The following RALGAPA2 variants were observed in gnomAD, a reference collection of about 807,000 sequenced individuals.
RALGAPA2 encodes the protein ral GTPase-activating protein subunit alpha-2.
RALGAPA2 carries 139 observed loss-of-function variants against 230.4 expected under a neutral mutation model. The ratio of observed to expected loss-of-function variants is 0.60; its 90% CI spans 0.53 to 0.69. RALGAPA2 has a LOEUF of 0.69. Among genes scored for constraint, RALGAPA2 ranks in the 30% least tolerant of loss-of-function variants. RALGAPA2 has a pLI of 0.00. For missense variants in RALGAPA2, 2,163 were observed against 2,276.0 expected (o/e 0.95, Z 1.01); for synonymous variants, 847 against 837.8 (o/e 1.01, Z -0.19).
intron 3 of RALGAPA2, among the ~76,000 whole-genome samples, chr20:20,674,188 A>AAAC (rs142800169): frequency 6.8e-6 from 1 of 146,282 alleles, no homozygotes; most frequent in African/African-American, 2.5e-5. Context: ...ACCCTGACTC[A>AAAC]AATAATAATA....
intron 16 of RALGAPA2, among the ~76,000 whole-genome samples, chr20:20,600,795 C>G (rs1305739971): frequency 6.6e-6 from 1 of 152,172 alleles, no homozygotes; most frequent in African/African-American, 2.4e-5. Flanking sequence ...AAAGAGTTCA[C>G]TTTTTGTTTT....
At chr20:20,632,406 AAG>A (rs1382235836) in intron 9 of RALGAPA2, among the ~76,000 whole-genome samples, 1 of 152,172 alleles carries the variant, frequency 6.6e-6, no homozygotes, top group African/African-American at 2.4e-5. Context: ...CACAACTGTG[AAG>A]AGTCAAGTAA....
At chr20:20,662,073 G>A (rs1191224418) in intron 3 of RALGAPA2, among the ~76,000 whole-genome samples, 2 of 152,044 alleles carry the variant, frequency 1.3e-5, no homozygotes, top group African/African-American at 4.8e-5. Context: ...AGTATAATAC[G>A]GAAGACTTGA....
chr20:20,705,539 T>C (rs947089568), intron 1 of RALGAPA2, among the ~76,000 whole-genome samples: 1 of 152,218 alleles, frequency 6.6e-6, no homozygotes, highest in Non-Finnish European at 1.5e-5. Context: ...AATAGTTGTT[T>C]AATACCTTAT....
chr20:20,522,561 A>G (rs999020300), intron 30 of RALGAPA2, among the ~76,000 whole-genome samples: 2 of 152,196 alleles, frequency 1.3e-5, no homozygotes, highest in Admixed American at 6.5e-5. Context: ...GTATGGGACC[A>G]GTGGCTATGG....
chr20:20,712,595 C>CCCGCTGCTGCCG lies in RALGAPA2; in HGVS notation c.-127_-116dup. 2 of 1,187,916 alleles carry CCCGCTGCTGCCG rather than the reference C, an allele frequency of 1.7e-6. No individual in the cohort carries two copies. Among genetic ancestry groups the CCCGCTGCTGCCG allele is most frequent in the Non-Finnish European group, 2.1e-6 (2 of 946,978 alleles). The allele number at this position is 1,187,916 out of a possible 1,614,324, so 73.6% of individuals were successfully genotyped here. A position where few individuals can be genotyped will look rare whatever the true frequency, so the allele number is the denominator to read the frequency against. ...GCGCGGGCCACTCGCCGCCCCCAGC[C>CCCGCTGCTGCCG]CCGCTGCTGCCGCCGCCGCCGCCGC... On this transcript the variant is annotated 5_prime_UTR_variant, in exon 1 of 40. Coordinates refer to ENST00000202677, the MANE Select transcript of RALGAPA2 (RefSeq NM_020343.4). The surrounding 1 kb of genome is among the most constrained non-coding windows in gnomAD (Gnocchi z 5.5).
chr20:20,613,227 A>C (rs1255749348), intron 13 of RALGAPA2, among the ~76,000 whole-genome samples: 1 of 152,134 alleles, frequency 6.6e-6, no homozygotes, highest in East Asian at 1.9e-4. Context: ...CACCAAGGAG[A>C]ACTGCTCAAA....
intron 13 of RALGAPA2, among the ~76,000 whole-genome samples, chr20:20,613,628 G>A (rs1040191425): frequency 6.6e-6 from 1 of 151,926 alleles, no homozygotes; most frequent in Admixed American, 6.6e-5. Context: ...CCCCTCTCAC[G>A]CTCCCTCTCA....
At position 20,405,123 on chromosome 20, in the gene RALGAPA2, A is replaced by G. The variant is rs186614039; in HGVS notation, c.5617+6904T>C. Among the ~76,000 whole-genome samples the G allele has an allele frequency of 2.0e-5, 3 of 152,326 alleles. No individual in the cohort carries two copies. In the East Asian group the frequency reaches 5.8e-4, roughly 29 times the overall value. On this transcript the variant is annotated intron_variant, in intron 38 of 39. Coordinates refer to ENST00000202677, the MANE Select transcript of RALGAPA2 (RefSeq NM_020343.4). ...ACCAACTGGCAGGATGCTTAGTAGA[A>G]TATCTAATACAAACGAGGCAAGTTT...
At position 20,583,236 on chromosome 20, in the gene RALGAPA2, T is replaced by A. The variant is rs367759450; in HGVS notation, c.2531-10A>T. The stretch of plus-strand genomic sequence containing the variant: ...CTGTTGGTACTTTCACCTGGTACAA[T>A]GGAAGAACCAAAGTTTAAGATAAAA... On this transcript the variant is annotated splice_polypyrimidine_tract_variant and intron_variant, in intron 19 of 39. Transcript: ENST00000202677. 164 of 1,581,098 alleles carry A rather than the reference T, an allele frequency of 1.0e-4. No individual in the cohort carries two copies. Among genetic ancestry groups the A allele is most frequent in the Non-Finnish European group, 1.4e-4 (158 of 1,164,704 alleles).
intron 35 of RALGAPA2, among the ~76,000 whole-genome samples, chr20:20,497,139 A>G (rs1818651550): frequency 6.6e-6 from 1 of 152,220 alleles, no homozygotes; most frequent in African/African-American, 2.4e-5. Flanking sequence ...TTTAAACAAA[A>G]TACAACCCTG....
intron 36 of RALGAPA2, among the ~76,000 whole-genome samples, chr20:20,494,366 C>T (rs2062145432): frequency 6.6e-6 from 1 of 152,154 alleles, no homozygotes; most frequent in African/African-American, 2.4e-5. Flanking sequence ...GCTTAATATG[C>T]TAATGTTTAA....
intron 33 of RALGAPA2, among the ~76,000 whole-genome samples, chr20:20,508,534 T>C (rs2062603002): frequency 6.6e-6 from 1 of 152,226 alleles, no homozygotes; most frequent in East Asian, 1.9e-4. Flanking sequence ...CCACTGTGAT[T>C]TGTATGTACA....
In RALGAPA2 at chr20:20,712,606, C is replaced by CT; in HGVS notation, c.-127_-126insA. ...TCGCCGCCCCCAGCCCCGCTGCTGC[C>CT]GCCGCCGCCGCCGCCGCCGCCGCCT... On this transcript the variant is annotated 5_prime_UTR_variant, in exon 1 of 40. Coordinates refer to ENST00000202677, the MANE Select transcript of RALGAPA2 (RefSeq NM_020343.4). This position sits in a 1 kb window ranked among gnomAD's most constrained non-coding sequence, Gnocchi z 5.5. 1.8e-6 allele frequency: 2 copies of CT among 1,089,348 alleles called. No individual in the cohort carries two copies. Among genetic ancestry groups the CT allele is most frequent in the Non-Finnish European group, 2.3e-6 (2 of 879,832 alleles). The allele number at this position is 1,089,348 out of a possible 1,614,324, so 67.5% of individuals were successfully genotyped here. A position where few individuals can be genotyped will look rare whatever the true frequency, so the allele number is the denominator to read the frequency against.
At chr20:20,516,962 A>G (rs906724016) in intron 31 of RALGAPA2, among the ~76,000 whole-genome samples, 1 of 152,192 alleles carries the variant, frequency 6.6e-6, no homozygotes, top group African/African-American at 2.4e-5. Flanking sequence ...TGGGTGCAAC[A>G]GGGAAAGTCT....
At chr20:20,610,762 A>G (rs986438385) in intron 14 of RALGAPA2, among the ~76,000 whole-genome samples, 3 of 152,102 alleles carry the variant, frequency 2.0e-5, no homozygotes, top group African/African-American at 7.2e-5. Flanking sequence ...CTCATCCCAT[A>G]GAACATTCTC....
intron 37 of RALGAPA2, among the ~76,000 whole-genome samples, chr20:20,440,126 C>T (rs1021337116): frequency 2.0e-5 from 3 of 152,152 alleles, no homozygotes; most frequent in African/African-American, 7.2e-5. Context: ...ATAAACAACA[C>T]CACAGAGTGA....
chr20:20,448,020 G>A (rs534988805), intron 37 of RALGAPA2, among the ~76,000 whole-genome samples: 18 of 152,298 alleles, frequency 1.2e-4, no homozygotes, highest in African/African-American at 4.3e-4. Context: ...GGTACTTAAT[G>A]TGAAACAACT....
At chr20:20,495,082 T>G in intron 36 of RALGAPA2, 35 bp downstream of exon 36, 2 of 1,525,308 alleles carry the variant, frequency 1.3e-6, no homozygotes, top group South Asian at 2.5e-5. Context: ...GGCAAATGCT[T>G]TATGAGTCAG....
Sources: gnomAD v4.1 joint callset for allele counts (sites outside exome capture counted in the v4.1 genomes callset) on GRCh38, gnomAD v4.1.1 for gene constraint, Gnocchi (gnomAD v3.1) non-coding constraint, MANE v1.5 for transcripts, NCBI Gene and HGNC (gene_info 2026-07-23, HGNC 2026-07-21) for gene names.